The following BIRC6 variants were observed in gnomAD, a reference collection of about 807,000 sequenced individuals.
BIRC6 encodes baculoviral IAP repeat containing 6, also known as dual E2 ubiquitin-conjugating enzyme/E3 ubiquitin-protein ligase BIRC6.
A neutral mutation model predicts 503.3 loss-of-function variants in BIRC6; 98 were observed. The observed-to-expected ratio is 0.19, with a 90% CI of 0.17 to 0.23. BIRC6 has a LOEUF of 0.23. Among genes scored for constraint, BIRC6 ranks in the 10% least tolerant of loss-of-function variants. The pLI is 1.00. For missense variants in BIRC6, 5,360 were observed against 5,806.0 expected, an observed-to-expected ratio of 0.92 and a Z score of 2.50; for synonymous variants, 2,240 against 2,078.7, an observed-to-expected ratio of 1.08 and a Z score of -2.11.
At chr2:32,573,814 T>C (rs1211784490) in intron 65 of BIRC6, among the ~76,000 whole-genome samples, 1 of 152,218 alleles carries the variant, frequency 6.6e-6, no homozygotes, top group African/African-American at 2.4e-5. Context: ...TGTCATTCGT[T>C]TTCACAAAAG....
At position 32,482,512 on chromosome 2, in the gene BIRC6, T is replaced by C; in HGVS notation, c.7626T>C (p.Ile2542=). 6.2e-7 allele frequency: 1 copy of C among 1,613,938 alleles called. No homozygotes were observed. Among genetic ancestry groups the C allele is most frequent in the Non-Finnish European group, 8.5e-7 (1 of 1,179,850 alleles). The change falls in exon 39 of 74, where the codon ATT becomes ATC. Residue 2542 remains isoleucine (I), a synonymous_variant. Transcript: ENST00000421745. The stretch of plus-strand genomic sequence containing the variant: ...ACCCTTACATTGGAGGTCTGGGAAT[T>C]CCTGTAGCAAAGCCACCAGCAAACA... ...NYNPYIGGLG[I]PVAKPPANTE...
intron 10 of BIRC6, among the ~76,000 whole-genome samples, chr2:32,423,398 G>C (rs1004361362): frequency 3.9e-5 from 6 of 152,076 alleles, no homozygotes; most frequent in African/African-American, 1.4e-4. Flanking sequence ...CACCAGTACT[G>C]ATTTCCAGAA....
At chr2:32,582,242 C>T (rs2060721783) in intron 66 of BIRC6, among the ~76,000 whole-genome samples, 1 of 152,144 alleles carries the variant, frequency 6.6e-6, no homozygotes, top group African/African-American at 2.4e-5. Flanking sequence ...GATATGGTGG[C>T]TCTTGTGTAT....
chr2:32,402,126 A>T (rs2040676140), intron 8 of BIRC6, among the ~76,000 whole-genome samples: 1 of 152,220 alleles, frequency 6.6e-6, no homozygotes, highest in South Asian at 2.1e-4. Context: ...GAGATACCAT[A>T]ATTATTGCTA....
At chr2:32,539,216 AT>A (rs2150187811) in intron 61 of BIRC6, among the ~76,000 whole-genome samples, 1 of 152,360 alleles carries the variant, frequency 6.6e-6, no homozygotes, top group South Asian at 2.1e-4. Context: ...TGAATCAGAA[AT>A]TTATAGAACT....
intron 12 of BIRC6, among the ~76,000 whole-genome samples, chr2:32,433,377 C>T (rs1033678666): frequency 5.3e-5 from 8 of 152,194 alleles, no homozygotes; most frequent in Admixed American, 5.2e-4. Flanking sequence ...ACGTAATTCA[C>T]ATTAAATTGT....
chr2:32,438,403 G>T (rs548666912), intron 15 of BIRC6, among the ~76,000 whole-genome samples: 2 of 152,116 alleles, frequency 1.3e-5, no homozygotes, highest in African/African-American at 4.8e-5. Flanking sequence ...AATCATGAAA[G>T]ATTTAATACC....
chr2:32,506,259 A>G (rs973459514), intron 50 of BIRC6, among the ~76,000 whole-genome samples: 1 of 152,234 alleles, frequency 6.6e-6, no homozygotes, highest in African/African-American at 2.4e-5. Flanking sequence ...CATTGCTATC[A>G]AATATCACTC....
At chr2:32,543,956 ACTC>A (rs2057864913) in intron 62 of BIRC6, among the ~76,000 whole-genome samples, 2 of 152,180 alleles carry the variant, frequency 1.3e-5, no homozygotes. Context: ...TTTCTTTACT[ACTC>A]AGCAATGTGA....
In BIRC6 at chr2:32,401,583, T is replaced by G. The variant is rs756617915; in HGVS notation, c.1378T>G (p.Ser460Ala). The G allele has an allele frequency of 8.7e-6, 14 of 1,613,880 alleles. No homozygotes were observed. The highest frequency in any genetic ancestry group is 2.5e-6 in the Non-Finnish European group (3 of 1,179,884). Reference sequence around the variant, plus strand: ...ACCAACTTTGGCGTGGCTGGAGGACTCCTCTAGTTGCTCAGATATACCAAA... The same window carrying G: ...ACCAACTTTGGCGTGGCTGGAGGACGCCTCTAGTTGCTCAGATATACCAAA... ...RRPTLAWLED[S>A]SSCSDIPKLE... is the part of the protein sequence containing the mutation. The change falls in exon 8 of 74, where the codon TCC becomes GCC. Residue 460 changes from serine (S) to alanine (A), a missense_variant. Physicochemically the swap from Ser to Ala is moderately conservative, Grantham distance 99 (BLOSUM62 1). Transcript: ENST00000421745.
In BIRC6 at chr2:32,415,470, G is replaced by C; in HGVS notation, c.2179G>C (p.Glu727Gln). Residue 727 changes from glutamate (E) to glutamine (Q), a missense_variant, in exon 10 of 74, where the codon GAG becomes CAG. This residue lies in a region of BIRC6 where 700 missense variants were observed against 739.3 expected (regional missense o/e 0.95). Coordinates refer to ENST00000421745, the MANE Select transcript of BIRC6 (RefSeq NM_016252.4). ...VQCLRLPKFA[E>Q]EENLCIDSIT... ...GTGCTTGAGGCTGCCAAAGTTTGCA[G>C]AGGAGGAGAATCTTTGTATAGACTC... The C allele has an allele frequency of 2.5e-6, 4 of 1,613,992 alleles. No individual in the cohort carries two copies. Among genetic ancestry groups the C allele is most frequent in the Non-Finnish European group, 3.4e-6 (4 of 1,179,882 alleles).
chr2:32,357,522 G>A lies in BIRC6; in HGVS notation c.325+36G>A. On this transcript the variant is annotated intron_variant, in intron 1 of 73. Transcript: ENST00000421745. The surrounding 1 kb of genome is among the most constrained non-coding windows in gnomAD (Gnocchi z 4.9). ...CGCACGCCGGGCGGGCGCGAAGCCG[G>A]GGAAAGAAGCCGTCCAGCCCCGGGG... is the stretch of plus-strand genomic sequence containing the variant. The A allele has an allele frequency of 2.0e-6, 3 of 1,533,464 alleles. No individual in the cohort carries two copies. The highest frequency in any genetic ancestry group is 2.6e-6 in the Non-Finnish European group (3 of 1,140,880). The allele number at this position is 1,533,464 out of a possible 1,614,324, so 95.0% of individuals were successfully genotyped here. A position where few individuals can be genotyped will look rare whatever the true frequency, so the allele number is the denominator to read the frequency against.
chr2:32,469,646 T>C (rs767794175), intron 30 of BIRC6, 32 bp downstream of exon 30: 1 of 1,533,240 alleles, frequency 6.5e-7, no homozygotes, highest in South Asian at 1.2e-5. Flanking sequence ...GTATTTGTTA[T>C]TAATGATGTG....
intron 45 of BIRC6, among the ~76,000 whole-genome samples, chr2:32,495,918 A>G (rs2052404129): frequency 6.6e-6 from 1 of 151,390 alleles, no homozygotes. Context: ...GCTCACTGCA[A>G]GCGCCGCCTC....
chr2:32,610,194 C>G (rs2062767101), intron 72 of BIRC6, among the ~76,000 whole-genome samples: 1 of 152,110 alleles, frequency 6.6e-6, no homozygotes, highest in Admixed American at 6.6e-5. Flanking sequence ...TAGTGATTTT[C>G]CCTTTATAGG....
intron 65 of BIRC6, among the ~76,000 whole-genome samples, chr2:32,562,840 T>G (rs1325049321): frequency 6.6e-6 from 1 of 152,260 alleles, no homozygotes; most frequent in East Asian, 1.9e-4. Context: ...CATTCACCTT[T>G]TGAAGAACAT....
chr2:32,384,615 T>G (rs573110256), intron 3 of BIRC6, among the ~76,000 whole-genome samples: 2 of 152,276 alleles, frequency 1.3e-5, no homozygotes, highest in Admixed American at 6.5e-5. Flanking sequence ...AGCTGGCTGT[T>G]CCCCCTGGGA....
intron 23 of BIRC6, among the ~76,000 whole-genome samples, chr2:32,460,185 T>C (rs2148771905): frequency 7.1e-6 from 1 of 140,510 alleles, no homozygotes; most frequent in Non-Finnish European, 1.5e-5. Flanking sequence ...TATATATATC[T>C]CATATGTGAT....
chr2:32,607,310 T>C lies in BIRC6; in HGVS notation c.14071-145T>C, dbSNP rs1573347092. ...TTGCCTTTATAATGAAATATTTCAATGTTATAATCATAAACATTGATTTTA... is the reference window on the plus strand; with the variant it reads ...TTGCCTTTATAATGAAATATTTCAACGTTATAATCATAAACATTGATTTTA... On this transcript the variant is annotated intron_variant, in intron 71 of 73. Coordinates refer to ENST00000421745, the MANE Select transcript of BIRC6 (RefSeq NM_016252.4). 5 of 556,902 alleles carry C rather than the reference T, an allele frequency of 9.0e-6. No homozygotes were observed. The East Asian group carries it at 1.5e-4, about 17-fold the overall frequency. 34.5% of individuals were successfully genotyped at this position (556,902 alleles called of 1,614,324 possible).
Sources: gnomAD v4.1 joint callset for allele counts (sites outside exome capture counted in the v4.1 genomes callset) on GRCh38, gnomAD v4.1.1 for gene constraint, gnomAD v4.1.1 regional missense constraint, Gnocchi (gnomAD v3.1) non-coding constraint, MANE v1.5 for transcripts, NCBI Gene and HGNC (gene_info 2026-07-23, HGNC 2026-07-21) for gene names.